Variants in SAMD5 observed in about 807,000 individuals in gnomAD.
SAMD5 encodes the protein sterile alpha motif domain-containing protein 5.
A neutral mutation model predicts 11.3 loss-of-function variants in SAMD5; 13 were observed. The ratio of observed to expected loss-of-function variants is 1.15; its 90% CI spans 0.75 to 1.83. The LOEUF is 1.83. Among genes scored for constraint, SAMD5 ranks in the 40% most tolerant of loss-of-function variants. The pLI is 0.00. For missense variants in SAMD5, 255 were observed against 239.1 expected (o/e 1.07, Z -0.44); for synonymous variants, 129 against 111.3 (o/e 1.16, Z -1.00).
the SAMD5 span, among the ~76,000 whole-genome samples, chr6:147,803,302 C>T: frequency 6.6e-6 from 1 of 152,044 alleles, no homozygotes; most frequent in African/African-American, 2.4e-5. Context: ...TTTAAAAGAT[C>T]CTGATCATTC....
chr6:147,677,290 A>G (rs1413548057), intron 1 of SAMD5, among the ~76,000 whole-genome samples: 1 of 152,148 alleles, frequency 6.6e-6, no homozygotes, highest in African/African-American at 2.4e-5. Context: ...TCTAAGAATG[A>G]TGGCAGAGCC....
intron 1 of SAMD5, among the ~76,000 whole-genome samples, chr6:147,521,920 C>T (rs529856136): frequency 6.6e-6 from 1 of 152,092 alleles, no homozygotes; most frequent in South Asian, 2.1e-4. Context: ...TTGTCATTTG[C>T]CTTTTAGTTT....
intron 1 of SAMD5, among the ~76,000 whole-genome samples, chr6:147,604,790 T>C (rs1450730580): frequency 1.3e-5 from 2 of 152,224 alleles, no homozygotes; most frequent in Non-Finnish European, 2.9e-5. Flanking sequence ...ATACGTCTTC[T>C]AGAATACCTG....
At chr6:147,809,662 G>T in the SAMD5 span, among the ~76,000 whole-genome samples, 1 of 152,212 alleles carries the variant, frequency 6.6e-6, no homozygotes, top group Admixed American at 6.5e-5. Flanking sequence ...CAATGGCCTT[G>T]TAGATGTTGA....
chr6:147,758,669 C>T, the SAMD5 span, among the ~76,000 whole-genome samples: 2 of 152,254 alleles, frequency 1.3e-5, no homozygotes, highest in African/African-American at 2.4e-5. Flanking sequence ...AAATGGAAAT[C>T]GAGTCAGGGC....
chr6:147,745,888 T>C, the SAMD5 span, among the ~76,000 whole-genome samples: 2 of 151,248 alleles, frequency 1.3e-5, no homozygotes, highest in South Asian at 4.2e-4. Flanking sequence ...ATTACAGGCA[T>C]GCACCACCAC....
At chr6:147,653,195 A>C (rs2128453576) in intron 1 of SAMD5, among the ~76,000 whole-genome samples, 1 of 152,358 alleles carries the variant, frequency 6.6e-6, no homozygotes, top group South Asian at 2.1e-4. Context: ...TGATCTAAAT[A>C]GGAAGTAAGG....
At chr6:147,696,637 G>C (rs1395231095) in intron 1 of SAMD5, among the ~76,000 whole-genome samples, 2 of 152,192 alleles carry the variant, frequency 1.3e-5, no homozygotes, top group Non-Finnish European at 1.5e-5. Flanking sequence ...AAAAGCAGGG[G>C]ATATCTAGTG....
chr6:147,683,662 A>G (rs541576325), intron 1 of SAMD5, among the ~76,000 whole-genome samples: 4 of 152,292 alleles, frequency 2.6e-5, no homozygotes, highest in African/African-American at 9.6e-5. Flanking sequence ...AGTGCATGGC[A>G]GAGAAGCATA....
At chr6:147,614,907 A>T (rs575117914) in intron 1 of SAMD5, among the ~76,000 whole-genome samples, 1 of 152,122 alleles carries the variant, frequency 6.6e-6, no homozygotes, top group Non-Finnish European at 1.5e-5. Flanking sequence ...TTGGGAAAAA[A>T]ATGTATCTAT....
chr6:147,830,545 C>T, the SAMD5 span, among the ~76,000 whole-genome samples: 3 of 151,938 alleles, frequency 2.0e-5, 1 homozygote, highest in Admixed American at 1.3e-4. Context: ...TATGAGCCAC[C>T]GCGCCCGGCC....
At chr6:147,554,468 G>A (rs1788822105) in intron 1 of SAMD5, among the ~76,000 whole-genome samples, 1 of 152,192 alleles carries the variant, frequency 6.6e-6, no homozygotes, top group South Asian at 2.1e-4. Flanking sequence ...ACTGAGCTTG[G>A]TTGCCAGGAG....
the SAMD5 span, among the ~76,000 whole-genome samples, chr6:147,952,516 G>T: frequency 3.3e-5 from 5 of 152,014 alleles, no homozygotes; most frequent in Admixed American, 6.6e-5. Flanking sequence ...GTTTTTGTTT[G>T]TTTGTTTGTT....
rs1789074541 is a variant in SAMD5, at chr6:147,568,190, C to G, written c.*3734C>G. On this transcript the variant is annotated 3_prime_UTR_variant, in exon 2 of 2. Coordinates refer to ENST00000367474, the MANE Select transcript of SAMD5 (RefSeq NM_001030060.3). Reference sequence around the variant, plus strand: ...GGAAGAATCCAACCAAGATACAAAGCAGATGATGGTGGATCGGCAAACTCT... The same window carrying G: ...GGAAGAATCCAACCAAGATACAAAGGAGATGATGGTGGATCGGCAAACTCT... The G allele has an allele frequency of 1.0e-6, 1 of 985,156 alleles. No homozygotes were observed. The highest frequency in any genetic ancestry group is 1.2e-6 in the Non-Finnish European group (1 of 829,910). The allele number at this position is 985,156 out of a possible 1,614,324, so 61.0% of individuals were successfully genotyped here.
chr6:147,777,857 T>A, the SAMD5 span, among the ~76,000 whole-genome samples: 7 of 152,234 alleles, frequency 4.6e-5, no homozygotes, highest in Non-Finnish European at 1.0e-4. Flanking sequence ...TTTCTTTTTA[T>A]GGCTGAAAAT....
chr6:147,933,229 G>A, the SAMD5 span, among the ~76,000 whole-genome samples: 1 of 152,320 alleles, frequency 6.6e-6, no homozygotes, highest in African/African-American at 2.4e-5. Flanking sequence ...TGAGCATAAA[G>A]TCATGCAATC....
chr6:147,508,876 C>G lies in SAMD5; in HGVS notation c.-53C>G, dbSNP rs1583061030. ...AAAAGTTCCAAGAACTGGTGCCGCC[C>G]GTGCCATTTGGGCGCTGGGAAGGTG... is the stretch of plus-strand genomic sequence containing the variant. On this transcript the variant is annotated 5_prime_UTR_variant, in exon 1 of 2. Transcript: ENST00000367474. 2 of 1,575,898 alleles carry G rather than the reference C, an allele frequency of 1.3e-6. No individual in the cohort carries two copies. The highest frequency in any genetic ancestry group is 1.2e-5 in the South Asian group (1 of 86,060).
intron 1 of SAMD5, among the ~76,000 whole-genome samples, chr6:147,718,346 C>T (rs1791496768): frequency 6.6e-6 from 1 of 152,128 alleles, no homozygotes; most frequent in Non-Finnish European, 1.5e-5. Context: ...ATGCGGATGT[C>T]TCCAAAGGCT....
the SAMD5 span, among the ~76,000 whole-genome samples, chr6:147,872,854 A>T: frequency 5.3e-5 from 8 of 152,178 alleles, no homozygotes; most frequent in Admixed American, 4.6e-4. Context: ...TCTAACTCAA[A>T]TTGGAAATTC....
Sources: allele counts gnomAD v4.1 joint callset (sites outside exome capture counted in the v4.1 genomes callset), GRCh38; gene constraint gnomAD v4.1.1; transcripts MANE v1.5; gene names NCBI Gene and HGNC (gene_info 2026-07-23, HGNC 2026-07-21).